The following TMTC1 variants were observed in gnomAD, a reference collection of about 807,000 sequenced individuals.
TMTC1 encodes the protein protein O-mannosyl-transferase TMTC1.
Under a neutral mutation model 104.8 loss-of-function variants are expected in TMTC1, and 73 were observed. That is an observed-to-expected ratio of 0.70 (90% CI 0.58 to 0.85). TMTC1 has a LOEUF of 0.85. Among genes scored for constraint, TMTC1 ranks in the 40% least tolerant of loss-of-function variants. TMTC1 has a pLI of 0.00. For synonymous variants in TMTC1, 434 were observed against 428.7 expected (o/e 1.01, Z -0.15); for missense variants, 1,035 against 1,096.1 (o/e 0.94, Z 0.79).
chr12:29,532,576 TA>T (rs1378404678), intron 11 of TMTC1: 1 of 152,088 alleles, frequency 6.6e-6, no homozygotes, highest in Non-Finnish European at 1.5e-5. Context: ...ATAGTATGTA[TA>T]ATTTAATGGC....
rs375861616 is a variant in TMTC1, at chr12:29,623,825, A to ATAAATAAATTAAATTAAAT, written c.1128+9321_1128+9322insATTTAATTTAATTTATTTA. 2.1e-3 allele frequency among the ~76,000 whole-genome samples: 312 copies of ATAAATAAATTAAATTAAAT among 148,922 alleles called. 2 individuals are homozygous for ATAAATAAATTAAATTAAAT. Among genetic ancestry groups the ATAAATAAATTAAATTAAAT allele is most frequent in the African/African-American group, 7.8e-3 (303 of 38,728 alleles). ...AAGACTCCGGCTCAAAAATAAATAA[A>ATAAATAAATTAAATTAAAT]TAAATTAAATTAAATTAAATTAAAT... On this transcript the variant is annotated intron_variant, in intron 6 of 17. Coordinates refer to ENST00000539277, the MANE Select transcript of TMTC1 (RefSeq NM_001193451.2).
chr12:29,701,065 C>T (rs1240167195), intron 5 of TMTC1, among the ~76,000 whole-genome samples: 1 of 150,228 alleles, frequency 6.7e-6, no homozygotes, highest in Non-Finnish European at 1.5e-5. Context: ...CCTCTGTCCT[C>T]TCACTGCTCT....
chr12:29,584,718 C>T (rs909772166), intron 7 of TMTC1, among the ~76,000 whole-genome samples: 4 of 152,018 alleles, frequency 2.6e-5, no homozygotes, highest in African/African-American at 9.7e-5. Context: ...TGATAGTTTG[C>T]TGAGAATGAT....
chr12:29,690,101 A>G (rs1319107211), intron 5 of TMTC1, among the ~76,000 whole-genome samples: 2 of 152,170 alleles, frequency 1.3e-5, no homozygotes, highest in East Asian at 3.9e-4. Flanking sequence ...TCCCTGCTAT[A>G]ATATAATTTG....
chr12:29,666,205 TTTTC>T (rs768525293), intron 5 of TMTC1: 23 of 428,344 alleles, frequency 5.4e-5, no homozygotes, highest in South Asian at 3.3e-4. Context: ...ACCCCTTTTC[TTTTC>T]TTTCTTTTTT....
chr12:29,632,978 A>G (rs536491480), intron 6 of TMTC1, among the ~76,000 whole-genome samples, 169 bp downstream of exon 6: 1 of 152,278 alleles, frequency 6.6e-6, no homozygotes, highest in South Asian at 2.1e-4. Flanking sequence ...AGAAACAGTC[A>G]AAAAATCTAT....
At chr12:29,688,532 C>T (rs1941168201) in intron 5 of TMTC1, among the ~76,000 whole-genome samples, 3 of 152,336 alleles carry the variant, frequency 2.0e-5, no homozygotes, top group Admixed American at 6.5e-5. Flanking sequence ...ATGCCCACCA[C>T]TATCTGACAA....
At chr12:29,648,961 C>T (rs1004623671) in intron 5 of TMTC1, among the ~76,000 whole-genome samples, 1 of 152,028 alleles carries the variant, frequency 6.6e-6, no homozygotes, top group Non-Finnish European at 1.5e-5. Flanking sequence ...ATATGGGGCC[C>T]GCAGCTCCTC....
At chr12:29,584,225 C>T (rs1226248488) in intron 7 of TMTC1, among the ~76,000 whole-genome samples, 2 of 152,140 alleles carry the variant, frequency 1.3e-5, no homozygotes, top group Non-Finnish European at 2.9e-5. Flanking sequence ...CTGAGTAGCA[C>T]TTTGTATATC....
At chr12:29,694,856 C>T (rs1941370612) in intron 5 of TMTC1, among the ~76,000 whole-genome samples, 1 of 152,170 alleles carries the variant, frequency 6.6e-6, no homozygotes, top group Admixed American at 6.5e-5. Flanking sequence ...AGGAGAATTG[C>T]TTGAACCTGG....
At chr12:29,770,717 G>T (rs1163202774) in intron 1 of TMTC1, among the ~76,000 whole-genome samples, 1 of 152,126 alleles carries the variant, frequency 6.6e-6, no homozygotes, top group Non-Finnish European at 1.5e-5. Flanking sequence ...CCTGAATCTG[G>T]AGTTAGGAAT....
At chr12:29,592,629 A>G (rs1946310537) in intron 7 of TMTC1, among the ~76,000 whole-genome samples, 1 of 152,156 alleles carries the variant, frequency 6.6e-6, no homozygotes, top group African/African-American at 2.4e-5. Context: ...TTAGTATTAA[A>G]TAAGGCAGGG....
intron 2 of TMTC1, among the ~76,000 whole-genome samples, chr12:29,763,202 C>T (rs17678468): frequency 0.015 from 2,252 of 152,284 alleles, 30 homozygotes; most frequent in Non-Finnish European, 0.023. Flanking sequence ...TGGATGTGCC[C>T]AGATATAAAG....
chr12:29,660,005 A>G (rs186465994), intron 5 of TMTC1: 7 of 1,512,878 alleles, frequency 4.6e-6, no homozygotes, highest in Non-Finnish European at 6.2e-6. Flanking sequence ...AAGAAGATTC[A>G]GTGAGATTGC....
chr12:29,636,818 G>C (rs1288555749), intron 5 of TMTC1, among the ~76,000 whole-genome samples: 1 of 151,532 alleles, frequency 6.6e-6, no homozygotes, highest in Non-Finnish European at 1.5e-5. Flanking sequence ...GCCTAGCTGA[G>C]AGGACTGCTT....
intron 5 of TMTC1, among the ~76,000 whole-genome samples, chr12:29,639,781 G>T (rs555265441): frequency 6.6e-6 from 1 of 152,306 alleles, no homozygotes; most frequent in Admixed American, 6.5e-5. Context: ...TCCATGTGAT[G>T]GAAATCAATT....
chr12:29,696,537 G>C (rs1195819390), intron 5 of TMTC1, among the ~76,000 whole-genome samples: 1 of 152,022 alleles, frequency 6.6e-6, no homozygotes, highest in African/African-American at 2.4e-5. Context: ...GAAATCTTTT[G>C]CTCTGGAAAG....
At chr12:29,526,001 A>G (rs537402778) in intron 11 of TMTC1, among the ~76,000 whole-genome samples, 1 of 152,340 alleles carries the variant, frequency 6.6e-6, no homozygotes, top group East Asian at 1.9e-4. Context: ...AAGCTTTCAT[A>G]TAACCAGAAA....
At chr12:29,702,635 T>C (rs1941627501) in intron 5 of TMTC1, among the ~76,000 whole-genome samples, 1 of 152,148 alleles carries the variant, frequency 6.6e-6, no homozygotes, top group East Asian at 1.9e-4. Flanking sequence ...CTAAGCGCAG[T>C]GCACACTCAA....
Sources: gnomAD v4.1 joint callset for allele counts (sites outside exome capture counted in the v4.1 genomes callset) on GRCh38, gnomAD v4.1.1 for gene constraint, MANE v1.5 for transcripts, NCBI Gene and HGNC (gene_info 2026-07-23, HGNC 2026-07-21) for gene names.